Variants in PACRG observed in about 807,000 individuals in gnomAD.
PACRG encodes parkin coregulated, also known as parkin coregulated gene protein.
PACRG carries 29 observed loss-of-function variants against 29.7 expected under a neutral mutation model. The observed-to-expected ratio is 0.98, with a 90% confidence interval of 0.73 to 1.33. PACRG has a LOEUF of 1.33. Among genes scored for constraint, PACRG ranks in the 40% most tolerant of loss-of-function variants. PACRG has a pLI of 0.00. For missense variants in PACRG, 279 were observed against 316.2 expected (o/e 0.88, Z 0.89); for synonymous variants, 116 against 118.7 (o/e 0.98, Z 0.15).
At chr6:162,885,601 AT>A (rs1264659896) in intron 2 of PACRG, among the ~76,000 whole-genome samples, 1 of 152,160 alleles carries the variant, frequency 6.6e-6, no homozygotes, top group African/African-American at 2.4e-5. Flanking sequence ...AGAAACATGT[AT>A]AAAACTGAAT....
rs541240207 is a variant in PACRG, at chr6:163,096,519, C to G, written c.613+7111C>G. On this transcript the variant is annotated intron_variant, in intron 4 of 4. Transcript: ENST00000366888. Reference sequence around the variant, plus strand: ...AGGCGCAAAGGCTCCGGCTGCAGTTCTTCTGGGTTCAAACTGTTTGCCGGC... The same window carrying G: ...AGGCGCAAAGGCTCCGGCTGCAGTTGTTCTGGGTTCAAACTGTTTGCCGGC... 4.6e-5 allele frequency among the ~76,000 whole-genome samples: 6 copies of G among 129,734 alleles called. No homozygotes were observed. The South Asian group carries it at 9.9e-4, about 21-fold the overall frequency. The allele number at this position is 129,734 out of a possible 152,430, so 85.1% of individuals were successfully genotyped here.
intron 4 of PACRG, among the ~76,000 whole-genome samples, chr6:163,183,793 C>T (rs910926897): frequency 5.9e-5 from 9 of 152,238 alleles, no homozygotes; most frequent in East Asian, 3.9e-4. Context: ...ATTAGGAAAA[C>T]GCAGGCCAAT....
intron 4 of PACRG, among the ~76,000 whole-genome samples, chr6:163,147,569 A>G (rs1777852147): frequency 6.6e-6 from 1 of 152,158 alleles, no homozygotes; most frequent in Admixed American, 6.5e-5. Context: ...CTGAAGCTCT[A>G]TTCACCAATC....
At chr6:163,196,507 G>T (rs1780458474) in intron 4 of PACRG, among the ~76,000 whole-genome samples, 1 of 152,164 alleles carries the variant, frequency 6.6e-6, no homozygotes, top group South Asian at 2.1e-4. Context: ...AGGGTTTGAG[G>T]CAACATTAGG....
intron 2 of PACRG, among the ~76,000 whole-genome samples, chr6:162,967,077 C>T (rs916445402): frequency 2.0e-5 from 3 of 150,398 alleles, no homozygotes; most frequent in Admixed American, 2.0e-4. Context: ...CCTTATTACA[C>T]GTTTTATCAT....
Position 163,192,022 on chromosome 6 carries a change from T to C in PACRG, c.613+102614T>C. ...GATTTCAGTTAATTCAGTTTTTAAC[T>C]GAATCACACAAAGGATGTCACAAGC... On this transcript the variant is annotated intron_variant, in intron 4 of 4. Transcript: ENST00000366888. The C allele has an allele frequency of 2.6e-5, 7 of 274,088 alleles. 1 individual carries two copies. The highest frequency in any genetic ancestry group is 2.5e-4 in the South Asian group (7 of 27,954). 17.0% of individuals were successfully genotyped at this position (274,088 alleles called of 1,614,324 possible).
At chr6:163,022,740 G>A (rs1379370097) in intron 2 of PACRG, among the ~76,000 whole-genome samples, 1 of 152,168 alleles carries the variant, frequency 6.6e-6, no homozygotes, top group African/African-American at 2.4e-5. Context: ...AAAAATCTGT[G>A]GCAAGTCTGA....
intron 4 of PACRG, among the ~76,000 whole-genome samples, chr6:163,245,879 A>G (rs1782677265): frequency 6.6e-6 from 1 of 152,130 alleles, no homozygotes; most frequent in African/African-American, 2.4e-5. Flanking sequence ...AGAACCGTAA[A>G]GTTATCTTGA....
intron 2 of PACRG, among the ~76,000 whole-genome samples, chr6:162,981,838 A>G (rs1802459223): frequency 6.7e-6 from 1 of 150,082 alleles, no homozygotes; most frequent in Admixed American, 6.6e-5. Flanking sequence ...GCTGATTCTC[A>G]GCTTGGTCCA....
intron 2 of PACRG, among the ~76,000 whole-genome samples, chr6:162,996,904 G>A (rs1804116030): frequency 6.6e-6 from 1 of 152,098 alleles, no homozygotes; most frequent in Non-Finnish European, 1.5e-5. Flanking sequence ...AATGTAGACT[G>A]GAGAATCCTA....
At chr6:163,115,366 T>C (rs1190534858) in intron 4 of PACRG, among the ~76,000 whole-genome samples, 1 of 152,162 alleles carries the variant, frequency 6.6e-6, no homozygotes, top group Non-Finnish European at 1.5e-5. Context: ...TATGCTTTAA[T>C]CTGCATTAAA....
At chr6:162,855,445 T>A (rs574208727) in intron 2 of PACRG, among the ~76,000 whole-genome samples, 1 of 152,226 alleles carries the variant, frequency 6.6e-6, no homozygotes, top group Non-Finnish European at 1.5e-5. Flanking sequence ...TTAAATTATA[T>A]CTTATTATCT....
chr6:162,833,712 T>G (rs560121756), intron 2 of PACRG, among the ~76,000 whole-genome samples: 4 of 152,002 alleles, frequency 2.6e-5, no homozygotes, highest in South Asian at 4.1e-4. Flanking sequence ...GGGACTGCAA[T>G]TAAAAAAATA....
intron 4 of PACRG, among the ~76,000 whole-genome samples, chr6:163,275,644 T>C (rs1783997776): frequency 6.6e-6 from 1 of 152,236 alleles, no homozygotes; most frequent in Admixed American, 6.5e-5. Flanking sequence ...TGCGGAGAAT[T>C]CTGAGACCAA....
intron 1 of PACRG, among the ~76,000 whole-genome samples, chr6:162,810,337 T>G (rs1028832283): frequency 2.0e-5 from 3 of 152,142 alleles, no homozygotes; most frequent in Non-Finnish European, 4.4e-5. Context: ...ATAAGCAAGC[T>G]AAAACGGAAG....
chr6:163,246,519 G>C (rs1260539009), intron 4 of PACRG, among the ~76,000 whole-genome samples: 2 of 152,146 alleles, frequency 1.3e-5, no homozygotes, highest in Non-Finnish European at 2.9e-5. Flanking sequence ...TCTGAAATAT[G>C]TAATGTTTAC....
At chr6:162,817,694 T>G (rs1306972705) in intron 2 of PACRG, among the ~76,000 whole-genome samples, 1 of 152,224 alleles carries the variant, frequency 6.6e-6, no homozygotes, top group Non-Finnish European at 1.5e-5. Flanking sequence ...AATAGCCACG[T>G]GGTTACCATA....
intron 2 of PACRG, among the ~76,000 whole-genome samples, chr6:162,830,887 G>A (rs527262704): frequency 6.6e-6 from 1 of 152,080 alleles, no homozygotes; most frequent in Admixed American, 6.5e-5. Flanking sequence ...CAACAAACAC[G>A]TTCTCAGCTC....
At chr6:163,182,802 C>T (rs1230068922) in intron 4 of PACRG, 2 of 152,152 alleles carry the variant, frequency 1.3e-5, no homozygotes, top group African/African-American at 4.8e-5. Flanking sequence ...TTCCGGGCCA[C>T]GGAGGTGTAC....
Sources: gnomAD v4.1 joint callset for allele counts (sites outside exome capture counted in the v4.1 genomes callset) on GRCh38, gnomAD v4.1.1 for gene constraint, MANE v1.5 for transcripts, NCBI Gene and HGNC (gene_info 2026-07-23, HGNC 2026-07-21) for gene names.